CTNND2: variants seen among roughly 807,000 people sequenced by gnomAD.
CTNND2 encodes the protein catenin delta 2.
Under a neutral mutation model 144.4 loss-of-function variants are expected in CTNND2, and 22 were observed. That is an observed-to-expected ratio of 0.15 (90% CI 0.11 to 0.22). CTNND2 has a LOEUF of 0.22. Ranked by LOEUF, CTNND2 falls within the 10% of genes least tolerant of loss-of-function variation. The probability of loss-of-function intolerance (pLI) is 1.00; values close to 1 mark genes in which losing one functional copy is unlikely to be tolerated. For missense variants in CTNND2, 1,353 were observed against 1,618.8 expected, an observed-to-expected ratio of 0.84 and a Z score of 2.82; for synonymous variants, 751 against 695.6, an observed-to-expected ratio of 1.08 and a Z score of -1.25.
intron 9 of CTNND2, among the ~76,000 whole-genome samples, chr5:11,297,790 A>T (rs892983668): frequency 6.6e-6 from 1 of 152,190 alleles, no homozygotes; most frequent in Non-Finnish European, 1.5e-5. Flanking sequence ...GAACCAACAT[A>T]TTCACGAGTT....
intron 2 of CTNND2, among the ~76,000 whole-genome samples, chr5:11,721,153 G>A (rs780649297): frequency 2.6e-5 from 4 of 152,120 alleles, no homozygotes; most frequent in Non-Finnish European, 5.9e-5. Flanking sequence ...ATGAAATCCC[G>A]ATGCATGCCA....
chr5:11,130,495 T>C (rs16901301), intron 12 of CTNND2, among the ~76,000 whole-genome samples: 3,190 of 152,248 alleles, frequency 0.021, 108 homozygotes, highest in African/African-American at 0.073. Context: ...TGATTCCAAT[T>C]AAAACTGATG....
intron 2 of CTNND2, among the ~76,000 whole-genome samples, chr5:11,693,964 G>C (rs191444335): frequency 6.6e-6 from 1 of 152,056 alleles, no homozygotes; most frequent in Non-Finnish European, 1.5e-5. Flanking sequence ...ATATATTGTT[G>C]ATTCATGAAT....
intron 2 of CTNND2, among the ~76,000 whole-genome samples, chr5:11,604,671 T>G (rs1363253911): frequency 6.6e-6 from 1 of 152,208 alleles, no homozygotes; most frequent in Non-Finnish European, 1.5e-5. Flanking sequence ...AATTCTCACC[T>G]TCCCCAGATG....
At chr5:11,481,883 G>A (rs188422768) in intron 3 of CTNND2, among the ~76,000 whole-genome samples, 12 of 152,270 alleles carry the variant, frequency 7.9e-5, no homozygotes, top group East Asian at 7.7e-4. Context: ...TTGCCAACAC[G>A]GACAGCCTGT....
chr5:11,699,214 ATT>A (rs1443926757), intron 2 of CTNND2, among the ~76,000 whole-genome samples: 19 of 152,152 alleles, frequency 1.2e-4, no homozygotes, highest in Non-Finnish European at 2.4e-4. Flanking sequence ...TCAGGTTTAC[ATT>A]TCAGAATCAT....
At chr5:11,363,106 A>G (rs1354536472) in intron 8 of CTNND2, among the ~76,000 whole-genome samples, 1 of 152,254 alleles carries the variant, frequency 6.6e-6, no homozygotes, top group Non-Finnish European at 1.5e-5. Context: ...CTACTAAAGT[A>G]GATTGGTGAG....
chr5:11,068,250 T>G (rs576136716), intron 16 of CTNND2, among the ~76,000 whole-genome samples: 36 of 152,340 alleles, frequency 2.4e-4, no homozygotes, highest in Middle Eastern at 6.8e-3. Context: ...CTTGGCAAAC[T>G]TCAGCATCCC....
At chr5:11,748,501 T>C (rs1172369466) in intron 1 of CTNND2, among the ~76,000 whole-genome samples, 1 of 152,054 alleles carries the variant, frequency 6.6e-6, no homozygotes, top group Non-Finnish European at 1.5e-5. Context: ...AATTAGATAT[T>C]ATGAAAAGGG....
intron 2 of CTNND2, among the ~76,000 whole-genome samples, chr5:11,665,896 A>G (rs1346648044): frequency 6.6e-6 from 1 of 152,182 alleles, no homozygotes; most frequent in Non-Finnish European, 1.5e-5. Context: ...GACAGCAGAA[A>G]TATGTAGGGG....
At chr5:11,105,701 A>G (rs190573489) in intron 14 of CTNND2, among the ~76,000 whole-genome samples, 2 of 152,348 alleles carry the variant, frequency 1.3e-5, no homozygotes, top group African/African-American at 4.8e-5. Context: ...ACTAGAGGTG[A>G]GAAAGAAGTA....
chr5:11,296,571 T>C (rs1749038141), intron 9 of CTNND2, among the ~76,000 whole-genome samples: 1 of 152,180 alleles, frequency 6.6e-6, no homozygotes, highest in Non-Finnish European at 1.5e-5. Context: ...TAGCAAAGAC[T>C]TGGAACCAAC....
intron 1 of CTNND2, among the ~76,000 whole-genome samples, chr5:11,835,601 A>T (rs1390812770): frequency 2.0e-5 from 3 of 152,182 alleles, no homozygotes; most frequent in Non-Finnish European, 4.4e-5. Context: ...TGTATATACA[A>T]TTGTACATAG....
chr5:11,231,688 T>C (rs1462812409), intron 10 of CTNND2, among the ~76,000 whole-genome samples: 2 of 152,172 alleles, frequency 1.3e-5, no homozygotes, highest in Non-Finnish European at 2.9e-5. Context: ...GATAATGTGA[T>C]AGAAAAGGAA....
chr5:11,649,455 T>C (rs1055636875), intron 2 of CTNND2, among the ~76,000 whole-genome samples: 2 of 152,138 alleles, frequency 1.3e-5, no homozygotes, highest in African/African-American at 4.8e-5. Flanking sequence ...GTAGCTGGGA[T>C]TACAGGTGTG....
At chr5:11,781,816 C>A (rs73047191) in intron 1 of CTNND2, among the ~76,000 whole-genome samples, 2,828 of 152,288 alleles carry the variant, frequency 0.019, 43 homozygotes, top group South Asian at 0.065. Context: ...GTATTTTGGA[C>A]CTACCATCTA....
intron 9 of CTNND2, among the ~76,000 whole-genome samples, chr5:11,240,400 C>CACACACCCAACAT: frequency 8.2e-6 from 1 of 122,010 alleles, no homozygotes; most frequent in African/African-American, 3.2e-5. Flanking sequence ...ACACCCAACA[C>CACACACCCAACAT]ACACACCCAC....
intron 9 of CTNND2, among the ~76,000 whole-genome samples, chr5:11,309,352 A>G (rs914443079): frequency 1.3e-5 from 2 of 152,160 alleles, no homozygotes; most frequent in African/African-American, 4.8e-5. Context: ...TTGGGAGCCC[A>G]CCCCTTGTAT....
At chr5:11,416,498 C>T (rs977303382) in intron 3 of CTNND2, among the ~76,000 whole-genome samples, 1 of 152,152 alleles carries the variant, frequency 6.6e-6, no homozygotes, top group African/African-American at 2.4e-5. Context: ...ATTTTATTTC[C>T]TTTAAGTGCA....
Sources: allele counts gnomAD v4.1 joint callset (sites outside exome capture counted in the v4.1 genomes callset), GRCh38; gene constraint gnomAD v4.1.1; transcripts MANE v1.5; gene names NCBI Gene and HGNC (gene_info 2026-07-23, HGNC 2026-07-21).